Variants in ALK observed in about 807,000 individuals in gnomAD.
The protein encoded by ALK is ALK receptor tyrosine kinase.
In ALK, 74 loss-of-function variants were observed where a neutral mutation model predicts 163.1. The ratio of observed to expected loss-of-function variants is 0.45; its 90% CI spans 0.38 to 0.55. The LOEUF is 0.55. ALK is among the 20% of genes least tolerant of loss of function. ALK has a pLI of 0.00. For synonymous variants in ALK, 960 were observed against 843.2 expected (o/e 1.14, Z -2.40); for missense variants, 2,063 against 2,105.3 (o/e 0.98, Z 0.39).
chr2:29,617,164 A>C (rs527957172), intron 3 of ALK, among the ~76,000 whole-genome samples: 3 of 152,258 alleles, frequency 2.0e-5, no homozygotes, highest in East Asian at 3.9e-4. Context: ...TCTCCTTTCT[A>C]CTATTTAGCC....
At chr2:29,717,767 C>A in intron 1 of ALK, 70 bp from the exon 2 acceptor site, 1 of 1,606,778 alleles carries the variant, frequency 6.2e-7, no homozygotes, top group South Asian at 1.1e-5. Flanking sequence ...CACTCAATAT[C>A]AGTCAAAAAT....
chr2:29,193,745 A>G lies in ALK; in HGVS notation c.4342T>C (p.Ser1448Pro). 6.2e-7 allele frequency: 1 copy of G among 1,601,290 alleles called. No individual in the cohort carries two copies. Among genetic ancestry groups the G allele is most frequent in the Non-Finnish European group, 8.5e-7 (1 of 1,172,554 alleles). Residue 1448 changes from serine to proline, a missense_variant, in exon 29 of 29, where the codon TCC becomes CCC. This residue lies in a region of ALK where 403 missense variants were observed against 366.2 expected (regional missense o/e 1.10). Transcript: ENST00000389048. Reference sequence around the variant, plus strand: ...GGTTTCTTTGCAGCCTTGCCAGAGGAGGTGGTAGGCAGAGGTGGTGGGGCA... The same window carrying G: ...GGTTTCTTTGCAGCCTTGCCAGAGGGGGTGGTAGGCAGAGGTGGTGGGGCA... ...PAAPPPLPTT[S>P]SGKAAKKPTA...
chr2:29,598,066 C>T (rs1263429895), intron 3 of ALK, among the ~76,000 whole-genome samples: 2 of 152,190 alleles, frequency 1.3e-5, no homozygotes, highest in Admixed American at 6.5e-5. Context: ...ATCACTCGGT[C>T]ACCCAGACTG....
chr2:29,854,673 C>A (rs758854437), intron 1 of ALK, among the ~76,000 whole-genome samples: 10 of 152,300 alleles, frequency 6.6e-5, no homozygotes, highest in Admixed American at 2.0e-4. Flanking sequence ...TTGTTTCCAA[C>A]TTTCTATTAA....
chr2:29,576,117 T>C (rs1458056534), intron 3 of ALK, among the ~76,000 whole-genome samples: 3 of 152,166 alleles, frequency 2.0e-5, no homozygotes, highest in Non-Finnish European at 4.4e-5. Context: ...GGCTGACTGA[T>C]TGGCTGCTCT....
At chr2:29,902,257 A>T (rs1382819168) in intron 1 of ALK, among the ~76,000 whole-genome samples, 1 of 152,096 alleles carries the variant, frequency 6.6e-6, no homozygotes, top group Non-Finnish European at 1.5e-5. Context: ...TTTTCTATCA[A>T]ATGACCCATT....
intron 3 of ALK, among the ~76,000 whole-genome samples, chr2:29,534,774 C>A (rs1031519066): frequency 6.6e-6 from 1 of 152,238 alleles, no homozygotes; most frequent in Non-Finnish European, 1.5e-5. Flanking sequence ...CTCCTCTCCA[C>A]CCTTGGGTGT....
chr2:29,486,522 G>GC (rs1671780259), intron 4 of ALK, among the ~76,000 whole-genome samples: 7 of 152,252 alleles, frequency 4.6e-5, no homozygotes, highest in African/African-American at 1.7e-4. Context: ...TGCACATAAA[G>GC]TCAGCACATT....
chr2:29,811,583 C>T (rs902669939), intron 1 of ALK, among the ~76,000 whole-genome samples: 1 of 152,148 alleles, frequency 6.6e-6, no homozygotes, highest in Non-Finnish European at 1.5e-5. Flanking sequence ...CATTGCTTCA[C>T]ACAGGAAATA....
chr2:29,896,582 A>C (rs373274724), intron 1 of ALK, among the ~76,000 whole-genome samples: 8 of 151,942 alleles, frequency 5.3e-5, no homozygotes, highest in Admixed American at 3.3e-4. Flanking sequence ...GGAGAAACCC[A>C]CCTGTGGCAC....
chr2:29,207,217 G>A lies in ALK; in HGVS notation c.3892C>T (p.Pro1298Ser), dbSNP rs774660639. The A allele has an allele frequency of 1.2e-6, 2 of 1,614,080 alleles. No individual in the cohort carries two copies. Among genetic ancestry groups the A allele is most frequent in the South Asian group, 2.2e-5 (2 of 91,076 alleles). ...AATATTCCTTCCATGAAGGCCTCTG[G>A]GGGCATCCACTTAACTGGCAGCATG... ...CAMLPVKWMP[P>S]EAFMEGIFTS... Residue 1298 changes from proline (P) to serine (S), a missense_variant, in exon 26 of 29, where the codon CCA becomes TCA. Physicochemically the swap from Pro to Ser is moderately conservative, Grantham distance 74 (BLOSUM62 -1). This residue lies in a region of ALK where 83 missense variants were observed against 139.7 expected (regional missense o/e 0.59). Transcript: ENST00000389048.
chr2:29,527,234 T>A (rs1459382594), intron 4 of ALK, among the ~76,000 whole-genome samples: 1 of 152,236 alleles, frequency 6.6e-6, no homozygotes, highest in Non-Finnish European at 1.5e-5. Context: ...CTTTTTGAGT[T>A]AAATTACCTT....
At chr2:29,690,864 A>G (rs987199943) in intron 3 of ALK, among the ~76,000 whole-genome samples, 8 of 152,202 alleles carry the variant, frequency 5.3e-5, no homozygotes. Flanking sequence ...ACCCATGAAT[A>G]TTGAGTTAGA....
chr2:29,295,959 G>A (rs1236346048), intron 9 of ALK, among the ~76,000 whole-genome samples: 1 of 152,146 alleles, frequency 6.6e-6, no homozygotes, highest in Admixed American at 6.5e-5. Flanking sequence ...CACCATGAGG[G>A]TTCAGGATGA....
chr2:29,599,900 T>C (rs1349741045), intron 3 of ALK, among the ~76,000 whole-genome samples: 1 of 152,148 alleles, frequency 6.6e-6, no homozygotes, highest in Non-Finnish European at 1.5e-5. Flanking sequence ...GGGGGCTGGG[T>C]CACCATGCTC....
intron 1 of ALK, among the ~76,000 whole-genome samples, chr2:29,861,755 G>A (rs1051053586): frequency 3.5e-4 from 54 of 152,120 alleles, no homozygotes; most frequent in African/African-American, 1.3e-3. Context: ...AAATTGAAGA[G>A]GAAGGAATAC....
chr2:29,366,808 G>C (rs372111712), intron 5 of ALK, among the ~76,000 whole-genome samples: 26 of 152,368 alleles, frequency 1.7e-4, no homozygotes, highest in East Asian at 7.7e-4. Context: ...CCAAGTGTCA[G>C]AGTTTACTCT....
At chr2:29,481,741 A>G (rs935187255) in intron 4 of ALK, among the ~76,000 whole-genome samples, 1 of 152,068 alleles carries the variant, frequency 6.6e-6, no homozygotes, top group Non-Finnish European at 1.5e-5. Flanking sequence ...TCCAGCTGTC[A>G]TTTTTCTCTT....
chr2:29,504,295 C>T lies in ALK; in HGVS notation c.1154+27620G>A, dbSNP rs190537884. 7.5e-3 allele frequency among the ~76,000 whole-genome samples: 1,148 copies of T among 152,248 alleles called. 11 individuals are homozygous for T. Among genetic ancestry groups the T allele is most frequent in the Non-Finnish European group, 0.013 (884 of 68,024 alleles). ...AGAAGGTCAGAGAGGTGGGCAGAGC[C>T]AGGTCACACAGGGCTTTAGGCTGAG... is the stretch of plus-strand genomic sequence containing the variant. On this transcript the variant is annotated intron_variant, in intron 4 of 28. Transcript: ENST00000389048.
Sources: gnomAD v4.1 joint callset for allele counts (sites outside exome capture counted in the v4.1 genomes callset) on GRCh38, gnomAD v4.1.1 for gene constraint, gnomAD v4.1.1 regional missense constraint, MANE v1.5 for transcripts, NCBI Gene and HGNC (gene_info 2026-07-23, HGNC 2026-07-21) for gene names.